TRRAP: variants seen among roughly 807,000 people sequenced by gnomAD.
TRRAP encodes transformation/transcription domain associated protein, also known as transformation/transcription domain-associated protein.
A neutral mutation model predicts 438.8 loss-of-function variants in TRRAP; 41 were observed. The observed-to-expected ratio is 0.09, with a 90% CI of 0.07 to 0.12. The LOEUF (loss-of-function observed/expected upper bound fraction) is 0.12, where lower values mean the gene tolerates loss of function less well. TRRAP is among the 10% of genes least tolerant of loss of function. The pLI, the probability that TRRAP is intolerant of heterozygous loss-of-function variation, is 1.00. For synonymous variants in TRRAP, 1,994 were observed against 1,962.9 expected, an observed-to-expected ratio of 1.02 and a Z score of -0.42; for missense variants, 3,122 against 5,055.1, an observed-to-expected ratio of 0.62 and a Z score of 11.60.
chr7:98,898,134 G>C (rs1406562289), intron 8 of TRRAP, among the ~76,000 whole-genome samples: 1 of 152,154 alleles, frequency 6.6e-6, no homozygotes, highest in African/African-American at 2.4e-5. Flanking sequence ...TGGGGTGTCT[G>C]TTCTGTCCCT....
chr7:98,956,386 G>C lies in TRRAP; in HGVS notation c.6097-13G>C, dbSNP rs1261366269. 6.2e-7 allele frequency: 1 copy of C among 1,613,786 alleles called. No individual in the cohort carries two copies. ...AATCAGTCAGTAAAACCAAGCGCCT[G>C]TGTGTTTTTAAGCCGGATTCAGATA... On this transcript the variant is annotated splice_polypyrimidine_tract_variant and intron_variant, in intron 42 of 72. Coordinates refer to ENST00000456197, the MANE Select transcript of TRRAP (RefSeq NM_001375524.1). This position sits in a 1 kb window ranked among gnomAD's most constrained non-coding sequence, Gnocchi z 4.5.
chr7:98,927,479 G>A (rs1291036497), intron 23 of TRRAP, 113 bp downstream of exon 23: 35 of 1,340,714 alleles, frequency 2.6e-5, no homozygotes, highest in Non-Finnish European at 3.2e-5. Context: ...TTGGCTGATT[G>A]ATTTTCGGCT....
Position 98,959,374 on chromosome 7 carries a change from C to T in TRRAP, c.6373C>T (p.Pro2125Ser), listed in dbSNP as rs1028881936. 1.9e-6 allele frequency: 3 copies of T among 1,614,046 alleles called. No homozygotes were observed. The highest frequency in any genetic ancestry group is 1.7e-6 in the Non-Finnish European group (2 of 1,179,996). Residue 2125 changes from proline (P) to serine (S), a missense_variant, in exon 45 of 73, where the codon CCT (proline) becomes TCT (serine). Physicochemically the swap from Pro to Ser is moderately conservative, Grantham distance 74. Around this residue, in one of 24 missense-constraint regions of TRRAP, gnomAD observed 992 missense variants for 1,281.2 expected, o/e 0.77. Coordinates refer to ENST00000456197, the MANE Select transcript of TRRAP (RefSeq NM_001375524.1). ...VNDNTNTAGS[P>S]GEVLSRRCVN... is the part of the protein sequence containing the mutation. Reference sequence around the variant, plus strand: ...TGACAACACCAACACAGCGGGGTCCCCTGGGGAGGTGCTCTCTCGCCGGTG... The same window carrying T: ...TGACAACACCAACACAGCGGGGTCCTCTGGGGAGGTGCTCTCTCGCCGGTG...
Position 98,911,208 on chromosome 7 carries a change from A to G in TRRAP, c.1944A>G (p.Lys648=). ...CAATGATGAACCCCTTAACGTTCAAAGAAATCTTCCAAACTACGGTCCCTT... is the reference window on the plus strand; with the variant it reads ...CAATGATGAACCCCTTAACGTTCAAGGAAATCTTCCAAACTACGGTCCCTT... ...VFTMMNPLTF[K]EIFQTTVPYM... Residue 648 remains lysine, a synonymous_variant, in exon 17 of 73, where the codon AAA becomes AAG. Transcript: ENST00000456197. The G allele has an allele frequency of 6.2e-7, 1 of 1,614,252 alleles. No individual in the cohort carries two copies. The highest frequency in any genetic ancestry group is 1.1e-5 in the South Asian group (1 of 91,088).
At chr7:98,880,999 A>G (rs1216283089) in intron 1 of TRRAP, 91 bp from the exon 2 acceptor site, 5 of 479,140 alleles carry the variant, frequency 1.0e-5, no homozygotes, top group African/African-American at 2.0e-5. Context: ...ATGAAAGCGT[A>G]TCGATTATGT....
rs782729668 is a variant in TRRAP at position 98,921,946 on chromosome 7, T to A, written c.2816T>A (p.Met939Lys). ...TGCAAAGCTTCTCTCCAGCTCCCCA[T>A]GGAGAAGGTAAGCTCTGTGACAATG... ...SDCKASLQLP[M>K]EKAIETALDC... The change falls in exon 21 of 73, where the codon ATG becomes AAG. Residue 939 changes from methionine (M) to lysine (K), a missense_variant. Around this residue, in one of 24 missense-constraint regions of TRRAP, gnomAD observed 133 missense variants for 188.6 expected, o/e 0.71. Transcript: ENST00000456197. The A allele has an allele frequency of 1.2e-6, 2 of 1,614,088 alleles. No individual in the cohort carries two copies. Among genetic ancestry groups the A allele is most frequent in the Non-Finnish European group, 1.7e-6 (2 of 1,179,918 alleles).
At position 98,937,288 on chromosome 7, in the gene TRRAP, G is replaced by A. The variant is rs1170422228; in HGVS notation, c.4233+11G>A. The A allele has an allele frequency of 3.7e-6, 6 of 1,607,700 alleles. No individual in the cohort carries two copies. The highest frequency in any genetic ancestry group is 5.1e-6 in the Non-Finnish European group (6 of 1,177,808). On this transcript the variant is annotated intron_variant, in intron 29 of 72. Coordinates refer to ENST00000456197, the MANE Select transcript of TRRAP (RefSeq NM_001375524.1). ...GCCTGTATGAGAAAGGTGAGTGTGT[G>A]TGCGTGCGTGTATGCGCACGCGTGT... is the stretch of plus-strand genomic sequence containing the variant.
At chr7:98,914,051 T>A (rs980804684) in intron 18 of TRRAP, among the ~76,000 whole-genome samples, 12 of 152,224 alleles carry the variant, frequency 7.9e-5, no homozygotes, top group African/African-American at 2.4e-4. Flanking sequence ...TTCACAGTTC[T>A]ATAGTAATTA....
chr7:98,941,331 G>A lies in TRRAP; in HGVS notation c.4405-1618G>A, dbSNP rs537416679. ...GCTGAGATTACAGGCATGCGCCACCGTGCCCGGCTAGTTTTTGCGTTTTTA... is the reference window on the plus strand; with the variant it reads ...GCTGAGATTACAGGCATGCGCCACCATGCCCGGCTAGTTTTTGCGTTTTTA... On this transcript the variant is annotated intron_variant, in intron 30 of 72. Coordinates refer to ENST00000456197, the MANE Select transcript of TRRAP (RefSeq NM_001375524.1). Among the ~76,000 whole-genome samples, 16 of 152,108 alleles carry A rather than the reference G, an allele frequency of 1.1e-4. 2 individuals are homozygous for A. The highest frequency in any genetic ancestry group is 7.9e-4 in the Admixed American group (12 of 15,268).
intron 44 of TRRAP, 72 bp downstream of exon 44, chr7:98,958,163 A>G (rs782339780): frequency 7.6e-5 from 99 of 1,300,740 alleles, no homozygotes; most frequent in Middle Eastern, 3.8e-4. Flanking sequence ...CCAGGAGGTT[A>G]TCTGTGGCAA....
chr7:98,989,617 T>C (rs1326943763), intron 63 of TRRAP, among the ~76,000 whole-genome samples: 1 of 152,256 alleles, frequency 6.6e-6, no homozygotes, highest in Non-Finnish European at 1.5e-5. Context: ...AAATTTGGAA[T>C]GTACACCAGC....
chr7:99,009,542 C>G (rs776183717), intron 70 of TRRAP, among the ~76,000 whole-genome samples: 34 of 152,224 alleles, frequency 2.2e-4, no homozygotes, highest in Admixed American at 3.9e-4. Context: ...CATGGCCTCT[C>G]TTGGGAATTG....
At position 98,967,710 on chromosome 7, in the gene TRRAP, C is replaced by T. The variant is rs769799095; in HGVS notation, c.7512+12C>T. 23 of 1,608,798 alleles carry T rather than the reference C, an allele frequency of 1.4e-5. No homozygotes were observed. The highest frequency in any genetic ancestry group is 3.4e-4 in the Middle Eastern group (2 of 5,944). On this transcript the variant is annotated intron_variant, in intron 51 of 72. Coordinates refer to ENST00000456197, the MANE Select transcript of TRRAP (RefSeq NM_001375524.1). ...AGCAGTGCATTGAGGTAGGAAGACT[C>T]GGCTCACATCTGTGGCCGGGGGCAG...
intron 65 of TRRAP, among the ~76,000 whole-genome samples, chr7:98,992,485 A>G (rs559099662): frequency 6.6e-6 from 1 of 152,316 alleles, no homozygotes; most frequent in South Asian, 2.1e-4. Flanking sequence ...TGAAATTTTC[A>G]GCTTCAGAAA....
intron 5 of TRRAP, among the ~76,000 whole-genome samples, 164 bp from the exon 6 acceptor site, chr7:98,893,634 G>A (rs1235717497): frequency 1.3e-5 from 2 of 152,220 alleles, no homozygotes; most frequent in Non-Finnish European, 2.9e-5. Flanking sequence ...TTCTGGTGGT[G>A]CACTGAAGCT....
intron 20 of TRRAP, among the ~76,000 whole-genome samples, chr7:98,918,065 G>A (rs987708676): frequency 1.3e-5 from 2 of 150,640 alleles, no homozygotes; most frequent in Non-Finnish European, 2.9e-5. Context: ...AGGCTGCAGC[G>A]AGGCATGATC....
intron 67 of TRRAP, among the ~76,000 whole-genome samples, chr7:99,001,329 TCTC>T (rs1031957896): frequency 1.8e-4 from 27 of 152,354 alleles, no homozygotes; most frequent in African/African-American, 6.5e-4. Flanking sequence ...AGCGCTTTCA[TCTC>T]CTCAGGCTTA....
chr7:98,977,790 C>T (rs977175750), intron 56 of TRRAP, among the ~76,000 whole-genome samples: 1 of 152,216 alleles, frequency 6.6e-6, no homozygotes, highest in Non-Finnish European at 1.5e-5. Flanking sequence ...GCGGCTCCTG[C>T]TCCGATTACT....
At chr7:98,912,485 A>G (rs1044170481) in intron 18 of TRRAP, among the ~76,000 whole-genome samples, 22 of 152,066 alleles carry the variant, frequency 1.4e-4, no homozygotes, top group African/African-American at 4.6e-4. Flanking sequence ...TTTGCAACAA[A>G]TAAGGGCCAA....
Sources: gnomAD v4.1 joint callset for allele counts (sites outside exome capture counted in the v4.1 genomes callset) on GRCh38, gnomAD v4.1.1 for gene constraint, gnomAD v4.1.1 regional missense constraint, Gnocchi (gnomAD v3.1) non-coding constraint, MANE v1.5 for transcripts, NCBI Gene and HGNC (gene_info 2026-07-23, HGNC 2026-07-21) for gene names.